The following LYRM4 variants were observed in gnomAD, a reference collection of about 807,000 sequenced individuals.
The protein encoded by LYRM4 is LYR motif containing 4.
In LYRM4, 9 loss-of-function variants were observed where a neutral mutation model predicts 11.7. The ratio of observed to expected loss-of-function variants is 0.77; its 90% CI spans 0.46 to 1.34. LYRM4 has a LOEUF of 1.34. Ranked by LOEUF, LYRM4 falls within the 40% of genes most tolerant of loss-of-function variation. The pLI is 0.00. For missense variants in LYRM4, 133 were observed against 112.5 expected (o/e 1.18, Z -0.82); for synonymous variants, 42 against 40.4 (o/e 1.04, Z -0.15).
intron 2 of LYRM4, among the ~76,000 whole-genome samples, chr6:5,145,274 T>C (rs1757654216): frequency 6.6e-6 from 1 of 152,176 alleles, no homozygotes; most frequent in Non-Finnish European, 1.5e-5. Flanking sequence ...GGAGAGAAAG[T>C]GCAGTTTCGG....
chr6:5,173,886 A>G (rs1468083618), intron 2 of LYRM4, among the ~76,000 whole-genome samples: 1 of 152,232 alleles, frequency 6.6e-6, no homozygotes, highest in Non-Finnish European at 1.5e-5. Flanking sequence ...GCTGTGCTGG[A>G]GACAACAGGC....
chr6:5,165,546 T>A (rs912698823), intron 2 of LYRM4, among the ~76,000 whole-genome samples: 8 of 63,896 alleles, frequency 1.3e-4, no homozygotes, highest in Admixed American at 1.0e-3. Context: ...TTCCTATTTT[T>A]AATTTTTTTT....
intron 1 of LYRM4, among the ~76,000 whole-genome samples, chr6:5,226,794 A>G (rs1347073151): frequency 6.6e-6 from 1 of 152,238 alleles, no homozygotes; most frequent in Non-Finnish European, 1.5e-5. Context: ...AACAATAATT[A>G]CTTTTGGTTA....
intron 1 of LYRM4, among the ~76,000 whole-genome samples, chr6:5,245,144 AT>A (rs1764129486): frequency 9.8e-6 from 1 of 101,732 alleles, no homozygotes; most frequent in Non-Finnish European, 2.0e-5. Flanking sequence ...ATATATATAT[AT>A]ATATATATAT....
intron 2 of LYRM4, among the ~76,000 whole-genome samples, chr6:5,151,521 C>T (rs1174854773): frequency 6.6e-6 from 1 of 152,180 alleles, no homozygotes; most frequent in South Asian, 2.1e-4. Flanking sequence ...ACCCACTTCT[C>T]GGTCCTTGAG....
chr6:5,072,567 C>G, the LYRM4 span, among the ~76,000 whole-genome samples: 1 of 150,996 alleles, frequency 6.6e-6, no homozygotes, highest in African/African-American at 2.4e-5. Context: ...TTGCATTTCT[C>G]ACATCAAAGT....
chr6:5,126,228 C>T (rs1011961640), intron 2 of LYRM4, among the ~76,000 whole-genome samples: 1 of 152,198 alleles, frequency 6.6e-6, no homozygotes, highest in Non-Finnish European at 1.5e-5. Context: ...CTTCCTCTCC[C>T]TTGGAAGACA....
Position 5,136,740 on chromosome 6 carries a change from G to C in LYRM4, c.208-27249C>G, listed in dbSNP as rs886991798. 4.1e-6 allele frequency: 4 copies of C among 985,282 alleles called. No homozygotes were observed. The African/African-American group carries it at 7.0e-5, about 17-fold the overall frequency. The allele number at this position is 985,282 out of a possible 1,614,324, so 61.0% of individuals were successfully genotyped here. A position where few individuals can be genotyped will look rare whatever the true frequency, so the allele number is the denominator to read the frequency against. ...ATGCTAAACCGCCCCAAGGAGCAGC[G>C]CCTGTAGGAAGACTGGGTAGACTTC... On this transcript the variant is annotated intron_variant, in intron 2 of 2. Coordinates refer to ENST00000330636, the MANE Select transcript of LYRM4 (RefSeq NM_020408.6).
In LYRM4 at chr6:5,130,985, T is replaced by C. The variant is rs140271602; in HGVS notation, c.208-21494A>G. 2.0e-3 allele frequency among the ~76,000 whole-genome samples: 308 copies of C among 152,246 alleles called. 1 individual carries two copies. Among genetic ancestry groups the C allele is most frequent in the African/African-American group, 7.1e-3 (294 of 41,522 alleles). ...ATAAAATCAACTCCATCAGCCATAA[T>C]ATGAAATGTGAATGGACTAACTGGG... On this transcript the variant is annotated intron_variant, in intron 2 of 2. Transcript: ENST00000330636.
chr6:5,238,320 G>C (rs560231182), intron 1 of LYRM4, among the ~76,000 whole-genome samples: 1 of 152,160 alleles, frequency 6.6e-6, no homozygotes, highest in Non-Finnish European at 1.5e-5. Flanking sequence ...TGATGGTAAG[G>C]TTCACAGGGC....
the LYRM4 span, chr6:5,086,755 C>G: frequency 1.5e-4 from 87 of 592,612 alleles, 3 homozygotes; most frequent in South Asian, 1.8e-3. Flanking sequence ...CTTAGAGAGC[C>G]CGGGCAATGC....
At chr6:5,072,559 G>T in the LYRM4 span, among the ~76,000 whole-genome samples, 1 of 149,148 alleles carries the variant, frequency 6.7e-6, no homozygotes, top group Non-Finnish European at 1.5e-5. Flanking sequence ...GTTCTGATTT[G>T]CATTTCTCAC....
intron 1 of LYRM4, among the ~76,000 whole-genome samples, chr6:5,254,823 T>C (rs1429591086): frequency 6.6e-6 from 1 of 152,154 alleles, no homozygotes; most frequent in African/African-American, 2.4e-5. Context: ...AGGTACCACT[T>C]TTCACCTCTC....
intron 1 of LYRM4, among the ~76,000 whole-genome samples, chr6:5,228,613 C>T (rs1763038474): frequency 6.6e-6 from 1 of 152,040 alleles, no homozygotes; most frequent in African/African-American, 2.4e-5. Context: ...AAAGATAATG[C>T]ATAAAATCTT....
chr6:5,148,818 T>G (rs1482032472), intron 2 of LYRM4, among the ~76,000 whole-genome samples: 2 of 152,176 alleles, frequency 1.3e-5, no homozygotes, highest in Admixed American at 1.3e-4. Flanking sequence ...GCTAATTAAA[T>G]CTATAAATAT....
At chr6:5,189,652 C>A (rs780205915) in intron 2 of LYRM4, among the ~76,000 whole-genome samples, 4 of 152,168 alleles carry the variant, frequency 2.6e-5, no homozygotes, top group African/African-American at 4.8e-5. Flanking sequence ...CTAATAACTC[C>A]ATTTTGTCGA....
At chr6:5,184,649 CTTTTG>C (rs1307999514) in intron 2 of LYRM4, among the ~76,000 whole-genome samples, 1 of 152,168 alleles carries the variant, frequency 6.6e-6, no homozygotes, top group Non-Finnish European at 1.5e-5. Flanking sequence ...TGAGTTCATG[CTTTTG>C]TTTTAAGAAC....
At chr6:5,134,643 G>GT (rs1226700453) in intron 2 of LYRM4, among the ~76,000 whole-genome samples, 1 of 152,156 alleles carries the variant, frequency 6.6e-6, no homozygotes, top group Non-Finnish European at 1.5e-5. Context: ...ATGGGTAGGC[G>GT]TAAGGATGAA....
chr6:5,084,718 C>A, the LYRM4 span: 1 of 152,274 alleles, frequency 6.6e-6, no homozygotes, highest in African/African-American at 2.4e-5. Context: ...TCCCGGCTTT[C>A]GGAAGAGCAG....
Sources: gnomAD v4.1 joint callset for allele counts (sites outside exome capture counted in the v4.1 genomes callset) on GRCh38, gnomAD v4.1.1 for gene constraint, MANE v1.5 for transcripts, NCBI Gene and HGNC (gene_info 2026-07-23, HGNC 2026-07-21) for gene names.